SEMA3A: variants seen among roughly 807,000 people sequenced by gnomAD.
The protein encoded by SEMA3A is semaphorin 3A, also known as semaphorin-3A.
Under a neutral mutation model 97.9 loss-of-function variants are expected in SEMA3A, and 29 were observed. The observed-to-expected ratio is 0.30, with a 90% confidence interval of 0.22 to 0.40. The LOEUF (loss-of-function observed/expected upper bound fraction) is 0.40. Among genes scored for constraint, SEMA3A ranks in the 10% least tolerant of loss-of-function variants. The pLI is 1.00. For synonymous variants in SEMA3A, 321 were observed against 323.7 expected, an observed-to-expected ratio of 0.99 and a Z score of 0.09; for missense variants, 763 against 951.3, an observed-to-expected ratio of 0.80 and a Z score of 2.60.
At chr7:84,411,062 T>C (rs1804251147) in intron 1 of SEMA3A, among the ~76,000 whole-genome samples, 1 of 152,066 alleles carries the variant, frequency 6.6e-6, no homozygotes, top group Non-Finnish European at 1.5e-5. Flanking sequence ...ATATTGTCTG[T>C]GTGTTTGTGT....
chr7:84,469,026 G>A (rs958670361), intron 1 of SEMA3A, among the ~76,000 whole-genome samples: 3 of 151,906 alleles, frequency 2.0e-5, no homozygotes, highest in African/African-American at 4.8e-5. Context: ...TTTTTGATCC[G>A]CTGAGGATAG....
chr7:84,302,638 G>GTCACAC (rs1318352501), intron 3 of SEMA3A, among the ~76,000 whole-genome samples: 10 of 152,022 alleles, frequency 6.6e-5, no homozygotes, highest in Admixed American at 6.6e-4. Context: ...TAGAACGGGG[G>GTCACAC]TCACACATTT....
At chr7:84,245,078 T>G (rs571246988) in intron 3 of SEMA3A, among the ~76,000 whole-genome samples, 1 of 152,284 alleles carries the variant, frequency 6.6e-6, no homozygotes, top group South Asian at 2.1e-4. Flanking sequence ...GAGATTGCTC[T>G]TCTCGAGGAA....
At chr7:84,412,406 C>A (rs912950488) in intron 1 of SEMA3A, among the ~76,000 whole-genome samples, 1 of 152,160 alleles carries the variant, frequency 6.6e-6, no homozygotes, top group Non-Finnish European at 1.5e-5. Flanking sequence ...GAATTTGATA[C>A]TTAGTCACAG....
At chr7:84,203,524 A>T (rs33997378) in intron 3 of SEMA3A, among the ~76,000 whole-genome samples, 4,261 of 42,838 alleles carry the variant, frequency 0.099, 226 homozygotes, top group African/African-American at 0.15. Flanking sequence ...ATATATATAT[A>T]TATTTTTTTT....
rs567430312 is a variant in SEMA3A at position 84,394,439 on chromosome 7, T to C, written c.-245-22539A>G. ...TCATAGCATTCTGTGCATTGTTTGC[T>C]AGTCTTTAAAGAATAGCTCAGGTAA... On this transcript the variant is annotated intron_variant, in intron 1 of 3. Transcript: ENST00000424555. Among the ~76,000 whole-genome samples, 28 of 152,246 alleles carry C rather than the reference T, an allele frequency of 1.8e-4. No individual in the cohort carries two copies. In the South Asian group the frequency reaches 5.8e-3, roughly 32 times the overall value.
intron 3 of SEMA3A, among the ~76,000 whole-genome samples, chr7:84,242,205 T>C (rs939901237): frequency 6.6e-6 from 1 of 152,208 alleles, no homozygotes; most frequent in Non-Finnish European, 1.5e-5. Context: ...ATTGAATCTA[T>C]AAATTCGTTT....
intron 6 of SEMA3A, among the ~76,000 whole-genome samples, chr7:84,043,106 T>C (rs549930645): frequency 2.0e-5 from 3 of 152,098 alleles, no homozygotes; most frequent in South Asian, 2.1e-4. Context: ...AAATAAAACA[T>C]TGTTATAACA....
chr7:84,170,826 G>A (rs955297368), intron 1 of SEMA3A, among the ~76,000 whole-genome samples: 2 of 152,032 alleles, frequency 1.3e-5, no homozygotes, highest in Admixed American at 1.3e-4. Context: ...AATCTTGACT[G>A]TTGAAACAAT....
In SEMA3A at chr7:83,961,356, T is replaced by C; in HGVS notation, c.*15A>G. The C allele has an allele frequency of 1.1e-5, 17 of 1,605,706 alleles. No individual in the cohort carries two copies. Among genetic ancestry groups the C allele is most frequent in the Non-Finnish European group, 1.4e-5 (16 of 1,172,414 alleles). On this transcript the variant is annotated 3_prime_UTR_variant, in exon 17 of 17. Coordinates refer to ENST00000265362, the MANE Select transcript of SEMA3A (RefSeq NM_006080.3). ...CAAGTTTCTACTTGTTTGAGGTTTC[T>C]AGAGGTAATGCAGCTCAGACACTCC... is the stretch of plus-strand genomic sequence containing the variant.
In SEMA3A at chr7:83,956,222, CTTGT is replaced by C. The variant is rs1562936841; in HGVS notation, c.*5145_*5148del. The C allele has an allele frequency of 2.0e-5, 3 of 152,132 alleles. No homozygotes were observed. Among genetic ancestry groups the C allele is most frequent in the African/African-American group, 7.2e-5 (3 of 41,440 alleles). 9.4% of individuals were successfully genotyped at this position (152,132 alleles called of 1,614,324 possible). On this transcript the variant is annotated 3_prime_UTR_variant, in exon 17 of 17. Transcript: ENST00000265362. Reference sequence around the variant, plus strand: ...ATTTTAATGCTATCTTTGCTGAAGTCTTGTTTGTGAGCCACCTTGCTTTTTAGCA... The same window carrying C: ...ATTTTAATGCTATCTTTGCTGAAGTCTTGTGAGCCACCTTGCTTTTTAGCA...
intron 4 of SEMA3A, among the ~76,000 whole-genome samples, chr7:84,106,531 C>T (rs1320771250): frequency 2.0e-5 from 3 of 152,124 alleles, no homozygotes; most frequent in Non-Finnish European, 2.9e-5. Context: ...CAACGCATGA[C>T]TGTATTGCTA....
intron 1 of SEMA3A, among the ~76,000 whole-genome samples, chr7:84,420,696 A>C (rs1804565978): frequency 6.6e-6 from 1 of 151,988 alleles, no homozygotes; most frequent in East Asian, 1.9e-4. Flanking sequence ...TATCATTTAA[A>C]GTCTATGATT....
intron 1 of SEMA3A, among the ~76,000 whole-genome samples, chr7:84,438,124 C>A (rs947990275): frequency 3.2e-4 from 49 of 151,970 alleles, no homozygotes; most frequent in African/African-American, 1.1e-3. Flanking sequence ...TTATTAATTA[C>A]AAGGAGGTTA....
At chr7:84,424,873 T>G (rs1370957504) in intron 1 of SEMA3A, among the ~76,000 whole-genome samples, 2 of 74,222 alleles carry the variant, frequency 2.7e-5, no homozygotes, top group Non-Finnish European at 2.2e-5. Context: ...TAAATATAAA[T>G]ATATAATATT....
chr7:84,367,150 G>A (rs1167926143), intron 2 of SEMA3A, among the ~76,000 whole-genome samples: 3 of 151,226 alleles, frequency 2.0e-5, no homozygotes, highest in Non-Finnish European at 4.4e-5. Flanking sequence ...CTAGGAATTG[G>A]GGCTAGAGTA....
At chr7:84,051,323 T>G (rs1301018946) in intron 5 of SEMA3A, among the ~76,000 whole-genome samples, 2 of 152,194 alleles carry the variant, frequency 1.3e-5, no homozygotes, top group Non-Finnish European at 2.9e-5. Context: ...TTCACGATAT[T>G]GATTCTTCCT....
chr7:84,107,752 T>C (rs1177335896), intron 4 of SEMA3A, among the ~76,000 whole-genome samples: 1 of 152,146 alleles, frequency 6.6e-6, no homozygotes, highest in Non-Finnish European at 1.5e-5. Flanking sequence ...TTAACTCTAT[T>C]AAAATCTCAA....
chr7:84,406,074 C>T (rs1804076054), intron 1 of SEMA3A, among the ~76,000 whole-genome samples: 1 of 151,956 alleles, frequency 6.6e-6, no homozygotes, highest in Non-Finnish European at 1.5e-5. Flanking sequence ...GAAATAGAGA[C>T]ACAAAAAAAC....
Sources: allele counts gnomAD v4.1 joint callset (sites outside exome capture counted in the v4.1 genomes callset), GRCh38; gene constraint gnomAD v4.1.1; transcripts MANE v1.5; gene names NCBI Gene and HGNC (gene_info 2026-07-23, HGNC 2026-07-21).